RASA3: variants seen among roughly 807,000 people sequenced by gnomAD.
The protein encoded by RASA3 is ras GTPase-activating protein 3.
A neutral mutation model predicts 110.0 loss-of-function variants in RASA3; 73 were observed. The observed-to-expected ratio is 0.66, with a 90% CI of 0.55 to 0.81. The LOEUF (loss-of-function observed/expected upper bound fraction) is 0.81. RASA3 is among the 30% of genes least tolerant of loss of function. RASA3 has a pLI of 0.00. For synonymous variants in RASA3, 500 were observed against 451.4 expected (o/e 1.11, Z -1.37); for missense variants, 976 against 1,113.2 (o/e 0.88, Z 1.75).
intron 3 of RASA3, among the ~76,000 whole-genome samples, chr13:114,047,028 T>C (rs930168440): frequency 6.6e-6 from 1 of 152,186 alleles, no homozygotes; most frequent in African/African-American, 2.4e-5. Context: ...TTCTTAGACA[T>C]GACACCACAG....
intron 10 of RASA3, 35 bp downstream of exon 10, chr13:114,018,728 T>G (rs772708531): frequency 6.2e-7 from 1 of 1,607,624 alleles, no homozygotes; most frequent in Admixed American, 1.7e-5. Context: ...TGGCACCTCC[T>G]GCCCACACCC....
At chr13:114,008,963 C>T (rs9525306) in intron 17 of RASA3, among the ~76,000 whole-genome samples, 1,640 of 19,998 alleles carry the variant, frequency 0.082, 127 homozygotes, top group African/African-American at 0.16. Flanking sequence ...CCCCACGCAC[C>T]GCGTTCCTAA....
intron 1 of RASA3, among the ~76,000 whole-genome samples, chr13:114,101,841 A>G (rs1445818025): frequency 2.0e-5 from 3 of 152,120 alleles, no homozygotes; most frequent in Non-Finnish European, 4.4e-5. Context: ...TGGAAAACAT[A>G]CGGAAAATGT....
intron 4 of RASA3, among the ~76,000 whole-genome samples, chr13:114,039,397 CGCGTCCCAAGG>C (rs1427351698): frequency 3.3e-5 from 5 of 150,990 alleles, no homozygotes; most frequent in Non-Finnish European, 5.9e-5. Context: ...GAAGCCCTCC[CGCGTCCCAAGG>C]GCGCTGTGCC....
intron 14 of RASA3, 56 bp downstream of exon 14, chr13:114,015,152 AC>A (rs1296993169): frequency 6.2e-7 from 1 of 1,602,824 alleles, no homozygotes; most frequent in Non-Finnish European, 8.5e-7. Flanking sequence ...GGTGGGAGTC[AC>A]CCTGCACAGC....
chr13:114,117,113 CG>C (rs1488594546), intron 1 of RASA3, among the ~76,000 whole-genome samples: 2 of 120,540 alleles, frequency 1.7e-5, no homozygotes, highest in African/African-American at 6.7e-5. Context: ...GAGGAGAGCA[CG>C]TGTGTGAGGG....
At chr13:114,068,268 C>A in intron 2 of RASA3, among the ~76,000 whole-genome samples, 1 of 152,242 alleles carries the variant, frequency 6.6e-6, no homozygotes, top group Non-Finnish European at 1.5e-5. Context: ...CCAGCCTCAA[C>A]CCCAGTGGCA....
chr13:114,005,623 G>A lies in RASA3; in HGVS notation c.1742+1910C>T, dbSNP rs137947595. Among the ~76,000 whole-genome samples, 121 of 152,268 alleles carry A rather than the reference G, an allele frequency of 7.9e-4. 2 individuals are homozygous for A. Among genetic ancestry groups the A allele is most frequent in the East Asian group, 7.2e-3 (37 of 5,170 alleles). On this transcript the variant is annotated intron_variant, in intron 18 of 23. Transcript: ENST00000334062. Reference sequence around the variant, plus strand: ...CCCCAAGTGCGGGTGTGGACAACACGGCCAGTGGTACAGAAATCACAAGGC... The same window carrying A: ...CCCCAAGTGCGGGTGTGGACAACACAGCCAGTGGTACAGAAATCACAAGGC...
intron 1 of RASA3, among the ~76,000 whole-genome samples, chr13:114,074,506 C>T (rs1045217977): frequency 1.3e-5 from 2 of 152,228 alleles, no homozygotes; most frequent in Non-Finnish European, 2.9e-5. Flanking sequence ...CCTCGTCTTG[C>T]TTATTCATTT....
chr13:114,020,126 GTGT>G (rs2053892114), intron 9 of RASA3, among the ~76,000 whole-genome samples: 1 of 51,450 alleles, frequency 1.9e-5, no homozygotes, highest in African/African-American at 1.3e-4. Flanking sequence ...GGTGGAGCCT[GTGT>G]CCGAGGCATT....
chr13:114,090,444 G>A lies in RASA3; in HGVS notation c.56-16607C>T, dbSNP rs117180378. Among the ~76,000 whole-genome samples the A allele has an allele frequency of 7.7e-3, 1,167 of 152,326 alleles. 8 individuals carry two copies. The highest frequency in any genetic ancestry group is 0.013 in the Non-Finnish European group (871 of 68,014). On this transcript the variant is annotated intron_variant, in intron 1 of 23. Coordinates refer to ENST00000334062, the MANE Select transcript of RASA3 (RefSeq NM_007368.4). The stretch of plus-strand genomic sequence containing the variant: ...AATATTTTTGGTGTAAGACCAGACA[G>A]ATGAAGAAACTGTCTCTGAAGAGAA...
intron 8 of RASA3, 108 bp from the exon 9 acceptor site, chr13:114,021,616 C>T: frequency 1.2e-6 from 1 of 806,164 alleles, no homozygotes; most frequent in African/African-American, 1.7e-5. Context: ...GCCTGCAGCG[C>T]CTCCCAGAGT....
chr13:114,009,235 T>C (rs1205729589), intron 17 of RASA3, 152 bp downstream of exon 17: 2 of 649,016 alleles, frequency 3.1e-6, no homozygotes, highest in Non-Finnish European at 5.4e-6. Flanking sequence ...GACAAGGCTG[T>C]CTGGACAGCG....
intron 21 of RASA3, among the ~76,000 whole-genome samples, chr13:113,993,231 G>A (rs1038093836): frequency 2.0e-5 from 3 of 152,158 alleles, no homozygotes; most frequent in South Asian, 2.1e-4. Context: ...GCTGGAGCGC[G>A]GTGGCACGAT....
At position 114,114,397 on chromosome 13, in the gene RASA3, A is replaced by G. The variant is rs1274582723; in HGVS notation, c.55+18038T>C. ...TCTGGGATATCTTGACCTGGCACGC[A>G]GAGGGGTGAAGGAACGGGGACACGG... On this transcript the variant is annotated intron_variant, in intron 1 of 23. Transcript: ENST00000334062. This position sits in a 1 kb window ranked among gnomAD's most constrained non-coding sequence, Gnocchi z 4.8. Among the ~76,000 whole-genome samples the G allele has an allele frequency of 6.6e-6, 1 of 152,200 alleles. No homozygotes were observed. The highest frequency in any genetic ancestry group is 6.5e-5 in the Admixed American group (1 of 15,284).
At chr13:114,070,734 C>T (rs1405691775) in intron 2 of RASA3, among the ~76,000 whole-genome samples, 3 of 140,696 alleles carry the variant, frequency 2.1e-5, no homozygotes, top group African/African-American at 8.0e-5. Context: ...GCAGGGCTGC[C>T]GGCGTCCACG....
chr13:114,073,637 T>C, intron 2 of RASA3, 83 bp downstream of exon 2: 1 of 1,124,778 alleles, frequency 8.9e-7, no homozygotes, highest in Admixed American at 1.7e-5. Context: ...CATGGGAAAA[T>C]GGGAAGGTGA....
intron 1 of RASA3, among the ~76,000 whole-genome samples, chr13:114,083,598 C>T (rs1449767993): frequency 2.4e-5 from 3 of 126,432 alleles, no homozygotes; most frequent in Non-Finnish European, 3.5e-5. Flanking sequence ...TTCGTCCTCG[C>T]GGGGAAATCA....
rs1422869473 is a variant in RASA3, at chr13:114,057,838, CA to C, written c.174-5684del. ...GCGCTCAGCACGAGGGGACCCAGAA[CA>C]ATGGCTTCCCTGGGGTGCGGGCTCG... On this transcript the variant is annotated intron_variant, in intron 2 of 23. Coordinates refer to ENST00000334062, the MANE Select transcript of RASA3 (RefSeq NM_007368.4). The surrounding 1 kb of genome is among the most constrained non-coding windows in gnomAD (Gnocchi z 5.0). Among the ~76,000 whole-genome samples the C allele has an allele frequency of 1.1e-4, 17 of 152,330 alleles. No individual in the cohort carries two copies. The highest frequency in any genetic ancestry group is 7.3e-5 in the Non-Finnish European group (5 of 68,038).
Sources: gnomAD v4.1 joint callset for allele counts (sites outside exome capture counted in the v4.1 genomes callset) on GRCh38, gnomAD v4.1.1 for gene constraint, Gnocchi (gnomAD v3.1) non-coding constraint, MANE v1.5 for transcripts, NCBI Gene and HGNC (gene_info 2026-07-23, HGNC 2026-07-21) for gene names.